The following CCDC30 variants were observed in gnomAD, a reference collection of about 807,000 sequenced individuals.
CCDC30 encodes the protein coiled-coil domain containing 30.
Under a neutral mutation model 100.2 loss-of-function variants are expected in CCDC30, and 70 were observed. The ratio of observed to expected loss-of-function variants is 0.70; its 90% CI spans 0.58 to 0.85. The LOEUF (loss-of-function observed/expected upper bound fraction) is 0.85. Among genes scored for constraint, CCDC30 ranks in the 40% least tolerant of loss-of-function variants. The pLI is 0.00. For synonymous variants in CCDC30, 233 were observed against 269.5 expected (o/e 0.86, Z 1.33); for missense variants, 652 against 771.2 (o/e 0.85, Z 1.83).
chr1:42,653,008 G>A lies in CCDC30; in HGVS notation c.1855-368G>A, dbSNP rs1648484940. Among the ~76,000 whole-genome samples, 5 of 152,004 alleles carry A rather than the reference G, an allele frequency of 3.3e-5. 1 individual carries two copies. Among genetic ancestry groups the A allele is most frequent in the Admixed American group, 1.3e-4 (2 of 15,244 alleles). On this transcript the variant is annotated intron_variant, in intron 15 of 16. Coordinates refer to ENST00000668663, the Ensembl canonical transcript of CCDC30. ...CATTAGAAAGCACTGAATTGAACCC[G>A]TTAAAAGGGAAAACTTTATAGTATG... is the stretch of plus-strand genomic sequence containing the variant.
chr1:42,521,881 T>C (rs1252101914), intron 6 of CCDC30, among the ~76,000 whole-genome samples: 1 of 152,026 alleles, frequency 6.6e-6, no homozygotes, highest in Non-Finnish European at 1.5e-5. Flanking sequence ...ATTTCCCTGT[T>C]CTAATTTGGT....
At chr1:42,545,460 G>A in intron 6 of CCDC30, 2 of 1,599,692 alleles carry the variant, frequency 1.3e-6, no homozygotes, top group African/African-American at 1.4e-5. Flanking sequence ...TTACTCTAGG[G>A]GGAAAAACTG....
rs147674816 is a variant in CCDC30, at chr1:42,553,997, G to GTA, written c.457-12287_457-12286dup. On this transcript the variant is annotated intron_variant, in intron 6 of 16. Coordinates refer to ENST00000668663, the Ensembl canonical transcript of CCDC30. ...AGCTTTTTCTAGACATTTTCCCATA[G>GTA]TATATATATATATGTATGTATGTGT... 6.1e-3 allele frequency among the ~76,000 whole-genome samples: 918 copies of GTA among 151,136 alleles called. 8 individuals are homozygous for GTA. Among genetic ancestry groups the GTA allele is most frequent in the African/African-American group, 0.02 (807 of 41,272 alleles).
At chr1:42,511,854 G>A (rs553011905) in intron 6 of CCDC30, among the ~76,000 whole-genome samples, 12 of 152,096 alleles carry the variant, frequency 7.9e-5, no homozygotes, top group African/African-American at 1.4e-4. Context: ...CAGCTTGGTC[G>A]TGGAGACCCT....
chr1:42,523,814 A>G (rs1644684282), intron 6 of CCDC30, among the ~76,000 whole-genome samples: 1 of 152,080 alleles, frequency 6.6e-6, no homozygotes, highest in African/African-American at 2.4e-5. Context: ...AGTAATTTCA[A>G]TTGTCATATC....
chr1:42,516,753 C>T (rs1003159147), intron 6 of CCDC30, among the ~76,000 whole-genome samples: 2 of 152,034 alleles, frequency 1.3e-5, no homozygotes, highest in Admixed American at 1.3e-4. Flanking sequence ...GAAGCATGAA[C>T]CAAATAACCC....
chr1:42,570,550 A>C (rs1247873091), intron 7 of CCDC30, among the ~76,000 whole-genome samples: 2 of 152,050 alleles, frequency 1.3e-5, no homozygotes, highest in Admixed American at 6.5e-5. Context: ...GCCCCTGCAC[A>C]CCTTGTCCCC....
At position 42,586,081 on chromosome 1, in the gene CCDC30, A is replaced by G. The variant is rs149450195; in HGVS notation, c.1002-3240A>G. Reference sequence around the variant, plus strand: ...ATGATAGTACATAACACGGATATCTATGGAGTGAGGGAGCTTAAGAAAGAC... The same window carrying G: ...ATGATAGTACATAACACGGATATCTGTGGAGTGAGGGAGCTTAAGAAAGAC... On this transcript the variant is annotated intron_variant, in intron 9 of 16. Transcript: ENST00000668663. Among the ~76,000 whole-genome samples, 6 of 152,332 alleles carry G rather than the reference A, an allele frequency of 3.9e-5. No homozygotes were observed. The East Asian group carries it at 1.2e-3, about 29-fold the overall frequency.
intron 10 of CCDC30, among the ~76,000 whole-genome samples, chr1:42,604,187 C>T (rs547160318): frequency 3.3e-5 from 5 of 152,156 alleles, no homozygotes; most frequent in African/African-American, 9.6e-5. Flanking sequence ...GCACCCCACC[C>T]CAGCATGGGC....
chr1:42,498,948 T>C, intron 6 of CCDC30, 32 bp downstream of exon 6: 2 of 1,157,266 alleles, frequency 1.7e-6, no homozygotes, highest in Non-Finnish European at 1.1e-6. Flanking sequence ...TTCTTTCTGA[T>C]CTCTAATTTT....
rs570521340 is a variant in CCDC30, at chr1:42,531,592, C to T, written c.456+32676C>T. On this transcript the variant is annotated intron_variant, in intron 6 of 16. Coordinates refer to ENST00000668663, the Ensembl canonical transcript of CCDC30. ...CCTGGGCAACATGGCAAAACCCCACCTCCACAAAAAAATACAAAAATTAGC... is the reference window on the plus strand; with the variant it reads ...CCTGGGCAACATGGCAAAACCCCACTTCCACAAAAAAATACAAAAATTAGC... 2.6e-5 allele frequency among the ~76,000 whole-genome samples: 4 copies of T among 152,164 alleles called. No individual in the cohort carries two copies. In the South Asian group the frequency reaches 6.2e-4, roughly 24 times the overall value.
chr1:42,560,335 A>T (rs1023397306), intron 6 of CCDC30, among the ~76,000 whole-genome samples: 1 of 152,104 alleles, frequency 6.6e-6, no homozygotes, highest in Non-Finnish European at 1.5e-5. Flanking sequence ...ACTCTCTAAA[A>T]ATCAATGAAT....
chr1:42,571,262 C>T (rs1186078582), intron 7 of CCDC30: 2 of 152,158 alleles, frequency 1.3e-5, no homozygotes, highest in Non-Finnish European at 2.9e-5. Flanking sequence ...ATTCAATTTA[C>T]CAAATATTCC....
At chr1:42,482,847 A>C in intron 3 of CCDC30, 31 bp downstream of exon 3, 1 of 1,223,480 alleles carries the variant, frequency 8.2e-7, no homozygotes, top group Non-Finnish European at 1.0e-6. Context: ...ACCATTTCCG[A>C]TCATGCTTTA....
chr1:42,654,513 C>T (rs573823619), downstream of CCDC30: 26 of 153,920 alleles, frequency 1.7e-4, no homozygotes, highest in Non-Finnish European at 2.9e-4. Context: ...ACGGTGAAAC[C>T]CTGTCTCTAC....
intron 1 of CCDC30, among the ~76,000 whole-genome samples, chr1:42,471,825 T>G (rs2148441944): frequency 6.6e-6 from 1 of 152,212 alleles, no homozygotes; most frequent in African/African-American, 2.4e-5. Context: ...ACTGTTGATG[T>G]GGAAATGGTA....
the CCDC30 span, among the ~76,000 whole-genome samples, chr1:42,457,730 A>C: frequency 6.6e-6 from 1 of 152,150 alleles, no homozygotes. Flanking sequence ...AGGAGGGCAG[A>C]TCGCCTGAGG....
intron 4 of CCDC30, among the ~76,000 whole-genome samples, chr1:42,495,934 C>T (rs1288339375): frequency 1.3e-5 from 2 of 151,998 alleles, no homozygotes; most frequent in Non-Finnish European, 2.9e-5. Context: ...AAATTAAATG[C>T]AGTATGTTTA....
intron 10 of CCDC30, chr1:42,594,293 G>C (rs944230924): frequency 6.6e-6 from 1 of 152,356 alleles, no homozygotes. Flanking sequence ...AGGATTGCTT[G>C]AGCTCAGGAG....
Sources: gnomAD v4.1 joint callset for allele counts (sites outside exome capture counted in the v4.1 genomes callset) on GRCh38, gnomAD v4.1.1 for gene constraint, MANE v1.5 for transcripts, NCBI Gene and HGNC (gene_info 2026-07-23, HGNC 2026-07-21) for gene names.